RGL1: variants seen among roughly 807,000 people sequenced by gnomAD.
RGL1 encodes ral guanine nucleotide dissociation stimulator-like 1.
In RGL1, 24 loss-of-function variants were observed where a neutral mutation model predicts 95.2. The ratio of observed to expected loss-of-function variants is 0.25; its 90% CI spans 0.18 to 0.35. The LOEUF (loss-of-function observed/expected upper bound fraction) is 0.35. RGL1 is among the 10% of genes least tolerant of loss of function. RGL1 has a pLI of 1.00. For synonymous variants in RGL1, 329 were observed against 344.9 expected (o/e 0.95, Z 0.51); for missense variants, 715 against 936.3 (o/e 0.76, Z 3.08).
intron 2 of RGL1, among the ~76,000 whole-genome samples, chr1:183,787,098 C>T (rs1660214893): frequency 6.6e-6 from 1 of 152,234 alleles, no homozygotes; most frequent in African/African-American, 2.4e-5. Flanking sequence ...ACATGACATT[C>T]CATCAATACA....
chr1:183,865,717 T>C (rs1665786077), intron 3 of RGL1, among the ~76,000 whole-genome samples: 1 of 152,168 alleles, frequency 6.6e-6, no homozygotes, highest in South Asian at 2.1e-4. Context: ...ATAGGAACAC[T>C]CTAATCTAAA....
intron 2 of RGL1, among the ~76,000 whole-genome samples, chr1:183,822,306 A>G (rs537481237): frequency 4.6e-5 from 7 of 151,922 alleles, no homozygotes; most frequent in Non-Finnish European, 1.0e-4. Context: ...TATACCTTAG[A>G]CATGTTTGAC....
intron 2 of RGL1, among the ~76,000 whole-genome samples, chr1:183,776,583 A>T (rs1212198022): frequency 6.6e-6 from 1 of 152,188 alleles, no homozygotes; most frequent in Admixed American, 6.5e-5. Context: ...TGTAGGAGTA[A>T]GTGATGTATA....
At chr1:183,826,862 C>A (rs1196639068) in intron 2 of RGL1, among the ~76,000 whole-genome samples, 2 of 152,154 alleles carry the variant, frequency 1.3e-5, no homozygotes, top group African/African-American at 4.8e-5. Flanking sequence ...CTGTATTGAA[C>A]ACTAAATTCT....
chr1:183,749,686 C>T (rs1474075962), intron 2 of RGL1, among the ~76,000 whole-genome samples: 1 of 152,140 alleles, frequency 6.6e-6, no homozygotes, highest in Non-Finnish European at 1.5e-5. Context: ...TATGTTTTTG[C>T]AGTGGCTGGT....
chr1:183,857,169 G>A (rs1401197004), intron 3 of RGL1, among the ~76,000 whole-genome samples: 1 of 152,142 alleles, frequency 6.6e-6, no homozygotes, highest in East Asian at 1.9e-4. Context: ...AGAGATACAA[G>A]GATGGAAATG....
intron 2 of RGL1, among the ~76,000 whole-genome samples, chr1:183,766,496 G>C (rs1179113381): frequency 6.6e-6 from 1 of 152,034 alleles, no homozygotes; most frequent in Admixed American, 6.5e-5. Flanking sequence ...CCCATATCAA[G>C]TTTTTCCTCA....
intron 1 of RGL1, among the ~76,000 whole-genome samples, chr1:183,687,760 G>A (rs1572277332): frequency 6.6e-6 from 1 of 152,096 alleles, no homozygotes; most frequent in Non-Finnish European, 1.5e-5. Flanking sequence ...CTTCCACTAA[G>A]GCTAACTTTG....
intron 8 of RGL1, among the ~76,000 whole-genome samples, chr1:183,890,216 G>A (rs187217524): frequency 1.3e-5 from 2 of 152,214 alleles, no homozygotes; most frequent in African/African-American, 4.8e-5. Context: ...TGCCACGAAA[G>A]GTAATCCTTT....
rs189447478 is a variant in RGL1, at chr1:183,799,903, G to T, written c.133-6472G>T. On this transcript the variant is annotated intron_variant, in intron 2 of 18. Transcript: ENST00000304685. ...AAATTACATTAAAGGGAAATGGTGTGAAAGTAGAGAGAGGAGATACATTTT... is the reference window on the plus strand; with the variant it reads ...AAATTACATTAAAGGGAAATGGTGTTAAAGTAGAGAGAGGAGATACATTTT... Among the ~76,000 whole-genome samples the T allele has an allele frequency of 3.3e-5, 5 of 152,318 alleles. No individual in the cohort carries two copies. In the East Asian group the frequency reaches 9.6e-4, roughly 29 times the overall value.
At chr1:183,686,432 G>T (rs1483185316) in intron 1 of RGL1, among the ~76,000 whole-genome samples, 3 of 151,654 alleles carry the variant, frequency 2.0e-5, no homozygotes, top group African/African-American at 7.3e-5. Flanking sequence ...CTGACAATAT[G>T]TTTTTTTTGT....
In RGL1 at chr1:183,715,895, C is replaced by T. The variant is rs76798955; in HGVS notation, c.-32-26231C>T. ...ACTCAGGAGAGCTGATGTTGTAGTTCTAGTGCAACTCTGAAGGTCTGAGAA... is the reference window on the plus strand; with the variant it reads ...ACTCAGGAGAGCTGATGTTGTAGTTTTAGTGCAACTCTGAAGGTCTGAGAA... On this transcript the variant is annotated intron_variant, in intron 1 of 18. Transcript: ENST00000304685. Among the ~76,000 whole-genome samples the T allele has an allele frequency of 5.8e-3, 888 of 152,184 alleles. 9 individuals carry two copies. Among genetic ancestry groups the T allele is most frequent in the African/African-American group, 0.02 (822 of 41,508 alleles).
intron 14 of RGL1, among the ~76,000 whole-genome samples, chr1:183,910,273 A>G (rs1558288982): frequency 6.6e-6 from 1 of 151,838 alleles, no homozygotes. Context: ...ATTTTTTTGT[A>G]TTTTGGTAGA....
rs575080998 is a variant in RGL1, at chr1:183,880,465, A to G, written c.426-151A>G. 6.7e-6 allele frequency: 4 copies of G among 598,368 alleles called. No individual in the cohort carries two copies. The South Asian group carries it at 9.1e-5, about 14-fold the overall frequency. The allele number at this position is 598,368 out of a possible 1,614,324, so 37.1% of individuals were successfully genotyped here. A position where few individuals can be genotyped will look rare whatever the true frequency, so the allele number is the denominator to read the frequency against. On this transcript the variant is annotated intron_variant, in intron 4 of 17. Coordinates refer to ENST00000360851, the MANE Select transcript of RGL1 (RefSeq NM_001297671.3). Reference sequence around the variant, plus strand: ...GTTTGTTTTCAAGTGCTTTAAATCCATTGATGTTTCTAGGAACTTTTGGAT... The same window carrying G: ...GTTTGTTTTCAAGTGCTTTAAATCCGTTGATGTTTCTAGGAACTTTTGGAT...
intron 2 of RGL1, among the ~76,000 whole-genome samples, chr1:183,846,737 G>A (rs554922765): frequency 9.9e-5 from 15 of 152,028 alleles, no homozygotes; most frequent in African/African-American, 3.6e-4. Context: ...AAAATTAGTC[G>A]GGTGTGGTGA....
Position 183,686,142 on chromosome 1 carries a change from C to A in RGL1, c.-33+49641C>A, listed in dbSNP as rs564496217. 2.6e-5 allele frequency among the ~76,000 whole-genome samples: 4 copies of A among 152,202 alleles called. No individual in the cohort carries two copies. The South Asian group carries it at 8.3e-4, about 32-fold the overall frequency. ...ATTAGTTATATATGTCATGCCGAAT[C>A]AACATTATTTTCAGAAGTCATTCCT... On this transcript the variant is annotated intron_variant, in intron 1 of 18. Coordinates refer to the RGL1 transcript ENST00000304685.
chr1:183,915,443 A>G (rs1668901962), intron 15 of RGL1, among the ~76,000 whole-genome samples: 1 of 152,232 alleles, frequency 6.6e-6, no homozygotes, highest in African/African-American at 2.4e-5. Context: ...TATTGCATGG[A>G]TGAGAAATGT....
intron 2 of RGL1, among the ~76,000 whole-genome samples, chr1:183,760,303 T>C (rs1164732964): frequency 6.6e-6 from 1 of 152,164 alleles, no homozygotes; most frequent in African/African-American, 2.4e-5. Context: ...CTGCTGAAGG[T>C]TGCAGTGGCT....
intron 17 of RGL1, among the ~76,000 whole-genome samples, chr1:183,924,452 T>C (rs184020285): frequency 1.8e-4 from 27 of 151,734 alleles, no homozygotes; most frequent in South Asian, 1.5e-3. Context: ...GGGAGGGGAA[T>C]ATCACACACC....
Sources: allele counts gnomAD v4.1 joint callset (sites outside exome capture counted in the v4.1 genomes callset), GRCh38; gene constraint gnomAD v4.1.1; transcripts MANE v1.5; gene names NCBI Gene and HGNC (gene_info 2026-07-23, HGNC 2026-07-21).